MMP20: variants seen among roughly 807,000 people sequenced by gnomAD.
The protein encoded by MMP20 is matrix metallopeptidase 20.
MMP20 carries 50 observed loss-of-function variants against 51.8 expected under a neutral mutation model. The observed-to-expected ratio is 0.97, with a 90% CI of 0.77 to 1.22. MMP20 has a LOEUF of 1.22. Among genes scored for constraint, MMP20 ranks in the 50% most tolerant of loss-of-function variants. The probability of loss-of-function intolerance (pLI) is 0.00; values close to 1 mark genes in which losing one functional copy is unlikely to be tolerated. For missense variants in MMP20, 663 were observed against 601.4 expected (o/e 1.10, Z -1.07); for synonymous variants, 244 against 216.2 (o/e 1.13, Z -1.13).
chr11:102,591,407 A>G (rs773581483), intron 8 of MMP20, among the ~76,000 whole-genome samples: 11 of 152,244 alleles, frequency 7.2e-5, no homozygotes, highest in Non-Finnish European at 1.3e-4. Flanking sequence ...AGAAATATTG[A>G]GGTTTAAGCA....
At chr11:102,588,165 T>C (rs1052836640) in intron 8 of MMP20, among the ~76,000 whole-genome samples, 2 of 152,124 alleles carry the variant, frequency 1.3e-5, no homozygotes, top group Non-Finnish European at 2.9e-5. Context: ...TCTTAACTTA[T>C]AAAAATCTGC....
chr11:102,587,055 A>T (rs1859262650), intron 8 of MMP20, among the ~76,000 whole-genome samples: 1 of 151,156 alleles, frequency 6.6e-6, no homozygotes. Context: ...TTGATTTGAG[A>T]TTTTTCTCCT....
chr11:102,586,391 T>G (rs1784450), intron 8 of MMP20, among the ~76,000 whole-genome samples: 137,131 of 152,122 alleles, frequency 0.9, 61,875 homozygotes, highest in East Asian at 0.99. Flanking sequence ...TGTCTTCTTA[T>G]GAATTTGTCC....
At chr11:102,597,801 C>T (rs1859400138) in intron 6 of MMP20, among the ~76,000 whole-genome samples, 1 of 152,066 alleles carries the variant, frequency 6.6e-6, no homozygotes, top group Non-Finnish European at 1.5e-5. Flanking sequence ...GAGTTTCACT[C>T]TTGTTGCCCA....
At chr11:102,603,536 T>A (rs949163582) in intron 6 of MMP20, among the ~76,000 whole-genome samples, 4 of 152,230 alleles carry the variant, frequency 2.6e-5, no homozygotes, top group African/African-American at 9.6e-5. Flanking sequence ...AAAGGAATAA[T>A]ACTTCAGGCC....
chr11:102,621,180 C>G (rs1315170313), intron 1 of MMP20, among the ~76,000 whole-genome samples: 3 of 152,178 alleles, frequency 2.0e-5, no homozygotes, highest in Non-Finnish European at 2.9e-5. Context: ...GGCAATTATA[C>G]CTTTTACAGA....
chr11:102,618,402 C>T (rs370384428), intron 1 of MMP20, among the ~76,000 whole-genome samples: 3 of 151,568 alleles, frequency 2.0e-5, no homozygotes, highest in East Asian at 3.9e-4. Flanking sequence ...AAATTGTTTA[C>T]TTACATATTA....
chr11:102,595,431 T>C (rs1023149968), intron 6 of MMP20, among the ~76,000 whole-genome samples: 2 of 152,222 alleles, frequency 1.3e-5, no homozygotes, highest in African/African-American at 4.8e-5. Context: ...CAAATATCAC[T>C]TGATACAAAT....
chr11:102,591,690 A>G (rs1425236010), intron 8 of MMP20, among the ~76,000 whole-genome samples: 1 of 152,178 alleles, frequency 6.6e-6, no homozygotes, highest in African/African-American at 2.4e-5. Flanking sequence ...CTAGATTACA[A>G]AAGACTTCTC....
intron 1 of MMP20, among the ~76,000 whole-genome samples, chr11:102,624,256 T>C (rs1292532417): frequency 6.6e-6 from 1 of 152,172 alleles, no homozygotes; most frequent in Non-Finnish European, 1.5e-5. Context: ...TGCTGTAATG[T>C]TGGCAGACTC....
At chr11:102,584,624 T>G (rs1054837874) in intron 8 of MMP20, among the ~76,000 whole-genome samples, 1 of 152,188 alleles carries the variant, frequency 6.6e-6, no homozygotes, top group Admixed American at 6.5e-5. Context: ...AGTTTTTAAT[T>G]TTGAGTAAAT....
intron 6 of MMP20, among the ~76,000 whole-genome samples, chr11:102,596,856 T>C (rs1859387091): frequency 6.6e-6 from 1 of 152,238 alleles, no homozygotes; most frequent in Admixed American, 6.5e-5. Flanking sequence ...CCAGAGGGAC[T>C]GCTTCCCTTT....
intron 8 of MMP20, among the ~76,000 whole-genome samples, chr11:102,593,015 C>A (rs1012861637): frequency 6.6e-6 from 1 of 152,176 alleles, no homozygotes; most frequent in African/African-American, 2.4e-5. Context: ...CAGAACTATC[C>A]TTCAAAGAGA....
In MMP20 at chr11:102,593,559, T is replaced by G; in HGVS notation, c.1127A>C (p.Gln376Pro). Reference protein sequence around the residue: ...HYWITRGFQMQGPPRTIYDFG... With the variant: ...HYWITRGFQMPGPPRTIYDFG... Reference sequence around the variant, plus strand: ...GTCATAAATAGTCCGAGGAGGACCTTGCATTTGGAATCCTCTTGTTATCCA... The same window carrying G: ...GTCATAAATAGTCCGAGGAGGACCTGGCATTTGGAATCCTCTTGTTATCCA... The change falls in exon 8 of 10, where the codon CAA becomes CCA. Residue 376 changes from glutamine to proline, a missense_variant. Coordinates refer to ENST00000260228, the MANE Select transcript of MMP20 (RefSeq NM_004771.4). 6.2e-7 allele frequency: 1 copy of G among 1,614,138 alleles called. No homozygotes were observed. The highest frequency in any genetic ancestry group is 8.5e-7 in the Non-Finnish European group (1 of 1,179,992).
chr11:102,597,179 T>G (rs1390826664), intron 6 of MMP20, among the ~76,000 whole-genome samples: 1 of 152,246 alleles, frequency 6.6e-6, no homozygotes, highest in African/African-American at 2.4e-5. Flanking sequence ...GACTTCCAGC[T>G]GCTTTCTCTT....
intron 8 of MMP20, among the ~76,000 whole-genome samples, chr11:102,579,642 A>G (rs1859170634): frequency 1.3e-5 from 2 of 152,156 alleles, no homozygotes; most frequent in Non-Finnish European, 1.5e-5. Flanking sequence ...CTCTTAAAAT[A>G]CCTAAAAGAG....
chr11:102,595,230 C>A (rs916062884), intron 6 of MMP20, among the ~76,000 whole-genome samples: 7 of 152,116 alleles, frequency 4.6e-5, no homozygotes, highest in African/African-American at 1.4e-4. Context: ...TCCATTCCAC[C>A]CTTGCCATGT....
intron 6 of MMP20, among the ~76,000 whole-genome samples, chr11:102,600,777 C>T (rs1565394290): frequency 1.3e-5 from 2 of 152,182 alleles, no homozygotes; most frequent in Non-Finnish European, 2.9e-5. Context: ...TGAGCCATTG[C>T]GCCTGGCCCC....
intron 8 of MMP20, among the ~76,000 whole-genome samples, chr11:102,584,802 A>G (rs1859235858): frequency 6.6e-6 from 1 of 152,122 alleles, no homozygotes; most frequent in African/African-American, 2.4e-5. Context: ...ATTTTTGTAT[A>G]TGTTGAGAGG....
Sources: allele counts gnomAD v4.1 joint callset (sites outside exome capture counted in the v4.1 genomes callset), GRCh38; gene constraint gnomAD v4.1.1; transcripts MANE v1.5; gene names NCBI Gene and HGNC (gene_info 2026-07-23, HGNC 2026-07-21).